Variants in UGT1A8 observed in about 807,000 individuals in gnomAD.
UGT1A8 encodes the protein UDP glucuronosyltransferase family 1 member A8, also known as UDP-glucuronosyltransferase 1A8.
UGT1A8 carries 39 observed loss-of-function variants against 45.3 expected under a neutral mutation model. The observed-to-expected ratio is 0.86, with a 90% CI of 0.67 to 1.12. UGT1A8 has a LOEUF of 1.12. UGT1A8 is among the 50% of genes most tolerant of loss of function. The pLI, the probability that UGT1A8 is intolerant of heterozygous loss-of-function variation, is 0.00. For missense variants in UGT1A8, 719 were observed against 664.9 expected, an observed-to-expected ratio of 1.08 and a Z score of -0.90; for synonymous variants, 275 against 249.2, an observed-to-expected ratio of 1.10 and a Z score of -0.97.
chr2:233,702,417 G>A lies in UGT1A8; in HGVS notation c.856-64617G>A, dbSNP rs1157747013. ...CATGTTATCTACAAATAGAGATAGCGTTACTTCTTCCTTTCTAATAAGGAT... is the reference window on the plus strand; with the variant it reads ...CATGTTATCTACAAATAGAGATAGCATTACTTCTTCCTTTCTAATAAGGAT... On this transcript the variant is annotated intron_variant, in intron 1 of 4. Transcript: ENST00000373450. 7.2e-5 allele frequency among the ~76,000 whole-genome samples: 11 copies of A among 151,972 alleles called. No individual in the cohort carries two copies. The East Asian group carries it at 1.9e-3, about 27-fold the overall frequency.
At chr2:233,723,516 CTTTTTTTT>C (rs1162916866) in intron 1 of UGT1A8, among the ~76,000 whole-genome samples, 9 of 85,406 alleles carry the variant, frequency 1.1e-4, no homozygotes, top group African/African-American at 3.9e-4. Context: ...GGTCAACAAT[CTTTTTTTT>C]TTTTTTTTTT....
At chr2:233,682,936 T>A in intron 1 of UGT1A8, 1 of 1,440,140 alleles carries the variant, frequency 6.9e-7, no homozygotes, top group Non-Finnish European at 9.2e-7. Context: ...CCAATTCACT[T>A]AATTGTTGGG....
chr2:233,751,022 C>T (rs902181349), intron 1 of UGT1A8, among the ~76,000 whole-genome samples: 2 of 151,802 alleles, frequency 1.3e-5, no homozygotes, highest in Non-Finnish European at 2.9e-5. Flanking sequence ...ATAGTAGATC[C>T]AATAGCTTGC....
intron 1 of UGT1A8, among the ~76,000 whole-genome samples, chr2:233,752,809 C>T (rs1695067711): frequency 6.6e-6 from 1 of 152,224 alleles, no homozygotes. Flanking sequence ...AGAAGGAACA[C>T]TTCCCATTTA....
chr2:233,701,326 A>G lies in UGT1A8; in HGVS notation c.856-65708A>G, dbSNP rs191744336. 5.9e-5 allele frequency among the ~76,000 whole-genome samples: 9 copies of G among 152,314 alleles called. No homozygotes were observed. The East Asian group carries it at 1.5e-3, about 26-fold the overall frequency. On this transcript the variant is annotated intron_variant, in intron 1 of 4. Transcript: ENST00000373450. ...TTCCACAATGGTTGAACTAGTTTACAGTCCCACCAACAGTGTAAAAGTTCT... is the reference window on the plus strand; with the variant it reads ...TTCCACAATGGTTGAACTAGTTTACGGTCCCACCAACAGTGTAAAAGTTCT...
At chr2:233,693,762 G>C in intron 1 of UGT1A8, 1 of 1,614,206 alleles carries the variant, frequency 6.2e-7, no homozygotes, top group Non-Finnish European at 8.5e-7. Flanking sequence ...GTCTCTGTTT[G>C]GCTGTTAAGA....
chr2:233,659,846 C>G (rs997863205), intron 1 of UGT1A8, among the ~76,000 whole-genome samples: 1 of 152,178 alleles, frequency 6.6e-6, no homozygotes, highest in Non-Finnish European at 1.5e-5. Context: ...AATCCTTCTG[C>G]GAGATTGTCT....
chr2:233,739,455 G>C (rs1296247158), intron 1 of UGT1A8, among the ~76,000 whole-genome samples: 14 of 152,240 alleles, frequency 9.2e-5, no homozygotes, highest in Admixed American at 9.2e-4. Flanking sequence ...CCACAGGGTT[G>C]GAGCTGCCTG....
chr2:233,681,987 T>G (rs2074548749), intron 1 of UGT1A8: 11 of 1,614,188 alleles, frequency 6.8e-6, no homozygotes, highest in Middle Eastern at 1.7e-4. Context: ...GTGTGTCTAC[T>G]GCTGACCTGT....
At chr2:233,754,376 GACAA>G in intron 1 of UGT1A8, 1 of 288,532 alleles carries the variant, frequency 3.5e-6, no homozygotes, top group Non-Finnish European at 6.7e-6. Context: ...ATGATCGAAA[GACAA>G]ACAGAGGTCC....
chr2:233,635,633 G>C (rs1559317357), intron 1 of UGT1A8, among the ~76,000 whole-genome samples: 1 of 150,734 alleles, frequency 6.6e-6, no homozygotes, highest in Non-Finnish European at 1.5e-5. Flanking sequence ...TACGTCAAAG[G>C]CAAAGCATGG....
intron 1 of UGT1A8, chr2:233,713,516 CAT>C (rs762930324): frequency 6.2e-7 from 1 of 1,613,934 alleles, no homozygotes; most frequent in South Asian, 1.1e-5. Context: ...TCTTGAGGAA[CAT>C]TCCATGTGAT....
chr2:233,690,380 C>A, intron 1 of UGT1A8: 1 of 988,558 alleles, frequency 1.0e-6, no homozygotes, highest in Non-Finnish European at 1.4e-6. Flanking sequence ...ATAGGGTCCA[C>A]GTTTCCAGAC....
intron 1 of UGT1A8, chr2:233,647,867 A>G (rs1428249051): frequency 9.4e-6 from 13 of 1,382,254 alleles, no homozygotes; most frequent in East Asian, 2.4e-5. Context: ...TTGTTTTTCT[A>G]TTTCCTATTT....
intron 1 of UGT1A8, chr2:233,747,878 C>A: frequency 6.2e-7 from 1 of 1,613,056 alleles, no homozygotes; most frequent in South Asian, 1.1e-5. Context: ...CCCTGTCCTA[C>A]CTTTGCCATG....
chr2:233,682,196 G>T (rs1239084730), intron 1 of UGT1A8: 1 of 1,614,072 alleles, frequency 6.2e-7, no homozygotes, highest in African/African-American at 1.3e-5. Context: ...GGAGGATCAG[G>T]ACCGGGAGTT....
At chr2:233,735,081 G>T (rs541127094) in intron 1 of UGT1A8, among the ~76,000 whole-genome samples, 3 of 152,254 alleles carry the variant, frequency 2.0e-5, no homozygotes, top group African/African-American at 7.2e-5. Context: ...TTAACCTTTG[G>T]TCTTGTTGAA....
intron 1 of UGT1A8, among the ~76,000 whole-genome samples, chr2:233,661,217 C>T (rs1464764261): frequency 6.6e-6 from 1 of 151,610 alleles, no homozygotes; most frequent in African/African-American, 2.4e-5. Context: ...GTCTATTTTC[C>T]TACCTTAATT....
intron 1 of UGT1A8, among the ~76,000 whole-genome samples, chr2:233,699,316 A>G (rs1346497973): frequency 6.6e-6 from 1 of 151,896 alleles, no homozygotes; most frequent in African/African-American, 2.4e-5. Context: ...CCTTTTTGCT[A>G]TTTTGTTGAG....
Sources: allele counts gnomAD v4.1 joint callset (sites outside exome capture counted in the v4.1 genomes callset), GRCh38; gene constraint gnomAD v4.1.1; transcripts MANE v1.5; gene names NCBI Gene and HGNC (gene_info 2026-07-23, HGNC 2026-07-21).